The following TACR3 variants were observed in gnomAD, a reference collection of about 807,000 sequenced individuals.
The protein encoded by TACR3 is neuromedin-K receptor.
TACR3 carries 34 observed loss-of-function variants against 35.0 expected under a neutral mutation model. That is an observed-to-expected ratio of 0.97 (90% CI 0.74 to 1.30). TACR3 has a LOEUF of 1.30. Ranked by LOEUF, TACR3 falls within the 50% of genes most tolerant of loss-of-function variation. TACR3 has a pLI of 0.00. For synonymous variants in TACR3, 233 were observed against 221.1 expected (o/e 1.05, Z -0.48); for missense variants, 558 against 591.7 (o/e 0.94, Z 0.59).
chr4:103,694,386 T>C (rs1229261933), intron 1 of TACR3, among the ~76,000 whole-genome samples: 1 of 152,028 alleles, frequency 6.6e-6, no homozygotes, highest in Non-Finnish European at 1.5e-5. Context: ...CCAGCCATTG[T>C]TGAGACAATG....
intron 1 of TACR3, among the ~76,000 whole-genome samples, chr4:103,710,409 T>C (rs113590729): frequency 0.038 from 5,753 of 152,184 alleles, 127 homozygotes; most frequent in Non-Finnish European, 0.05. Context: ...GAATGACTAC[T>C]GGGTAAATAA....
At position 103,591,490 on chromosome 4, in the gene TACR3, T is replaced by C; in HGVS notation, c.1082A>G (p.Lys361Arg). The C allele has an allele frequency of 1.2e-6, 2 of 1,613,798 alleles. No homozygotes were observed. The highest frequency in any genetic ancestry group is 1.7e-6 in the Non-Finnish European group (2 of 1,179,768). ...YNPIIYCCLNKRFRAGFKRAF... is the reference protein window; with the variant it reads ...YNPIIYCCLNRRFRAGFKRAF... Reference sequence around the variant, plus strand: ...CATTTCGTAGTTTTGTTTTTACCTTTTATTCAGACAGCAGTAGATGATGGG... The same window carrying C: ...CATTTCGTAGTTTTGTTTTTACCTTCTATTCAGACAGCAGTAGATGATGGG... Residue 361 changes from lysine to arginine, a missense_variant, in exon 4 of 5, where the codon AAA becomes AGA. Coordinates refer to ENST00000304883, the MANE Select transcript of TACR3 (RefSeq NM_001059.3).
At chr4:103,687,055 A>G (rs1441791621) in intron 1 of TACR3, among the ~76,000 whole-genome samples, 3 of 152,120 alleles carry the variant, frequency 2.0e-5, no homozygotes, top group Non-Finnish European at 4.4e-5. Flanking sequence ...ACCATGATCA[A>G]GTGGGCTTCA....
intron 1 of TACR3, among the ~76,000 whole-genome samples, chr4:103,662,217 G>GGT (rs1553972885): frequency 0.042 from 3,596 of 86,200 alleles, 294 homozygotes; most frequent in African/African-American, 0.16. Flanking sequence ...TGTTGATGGT[G>GGT]TTTTTTTTTT....
chr4:103,678,420 A>T (rs1269040750), intron 1 of TACR3, among the ~76,000 whole-genome samples: 1 of 152,180 alleles, frequency 6.6e-6, no homozygotes, highest in African/African-American at 2.4e-5. Context: ...TAAAGCAAGT[A>T]TTAGATAACT....
In TACR3 at chr4:103,640,418, G is replaced by A. The variant is rs545186514; in HGVS notation, c.888+15776C>T. Among the ~76,000 whole-genome samples, 498 of 137,668 alleles carry A rather than the reference G, an allele frequency of 3.6e-3. 2 individuals are homozygous for A. The highest frequency in any genetic ancestry group is 5.6e-3 in the Non-Finnish European group (356 of 63,398). 90.3% of individuals were successfully genotyped at this position (137,668 alleles called of 152,430 possible). A position where few individuals can be genotyped will look rare whatever the true frequency, so the allele number is the denominator to read the frequency against. Reference sequence around the variant, plus strand: ...AAAATGCACTTCCCTAATGATTAGTGATGTAGAGAGTTTTTTTTCACATAT... The same window carrying A: ...AAAATGCACTTCCCTAATGATTAGTAATGTAGAGAGTTTTTTTTCACATAT... On this transcript the variant is annotated intron_variant, in intron 3 of 4. Transcript: ENST00000304883.
At chr4:103,645,942 G>A (rs1228560683) in intron 3 of TACR3, among the ~76,000 whole-genome samples, 1 of 151,974 alleles carries the variant, frequency 6.6e-6, no homozygotes, top group Non-Finnish European at 1.5e-5. Flanking sequence ...CCAAGACCCT[G>A]TTCTTTCTAG....
At chr4:103,675,110 C>T (rs1318024101) in intron 1 of TACR3, among the ~76,000 whole-genome samples, 1 of 152,052 alleles carries the variant, frequency 6.6e-6, no homozygotes, top group Non-Finnish European at 1.5e-5. Context: ...AAAATCCTCC[C>T]TTTTTCTCAC....
intron 3 of TACR3, among the ~76,000 whole-genome samples, chr4:103,609,591 C>T (rs1040726264): frequency 6.6e-6 from 1 of 151,998 alleles, no homozygotes; most frequent in Non-Finnish European, 1.5e-5. Flanking sequence ...AAACATTTGT[C>T]ATTTCTTTGT....
intron 1 of TACR3, among the ~76,000 whole-genome samples, chr4:103,659,195 T>C (rs986029653): frequency 2.6e-5 from 4 of 152,180 alleles, no homozygotes; most frequent in African/African-American, 7.2e-5. Context: ...AGCCTGGTTC[T>C]AACAGGCCAG....
At chr4:103,645,384 C>T (rs1725436058) in intron 3 of TACR3, among the ~76,000 whole-genome samples, 1 of 151,826 alleles carries the variant, frequency 6.6e-6, no homozygotes, top group South Asian at 2.1e-4. Context: ...AGTTTATAGG[C>T]TAAATCTAAG....
intron 3 of TACR3, among the ~76,000 whole-genome samples, chr4:103,636,027 G>T (rs1725180349): frequency 6.6e-6 from 1 of 151,616 alleles, no homozygotes; most frequent in Non-Finnish European, 1.5e-5. Context: ...GTGCTCATTT[G>T]GCTTAAGAAT....
chr4:103,634,211 G>A (rs1303752805), intron 3 of TACR3, among the ~76,000 whole-genome samples: 2 of 151,984 alleles, frequency 1.3e-5, no homozygotes, highest in Non-Finnish European at 2.9e-5. Context: ...CTAATGAAGA[G>A]GAACAATGAT....
chr4:103,696,301 T>G (rs1338357691), intron 1 of TACR3, among the ~76,000 whole-genome samples: 1 of 152,146 alleles, frequency 6.6e-6, no homozygotes, highest in Non-Finnish European at 1.5e-5. Flanking sequence ...TCTTTAACAT[T>G]TTTGATAAAA....
At chr4:103,640,828 G>A (rs1334961625) in intron 3 of TACR3, among the ~76,000 whole-genome samples, 1 of 151,764 alleles carries the variant, frequency 6.6e-6, no homozygotes, top group Admixed American at 6.6e-5. Context: ...TTTTCTTCCA[G>A]TGTGGCACAG....
intron 3 of TACR3, among the ~76,000 whole-genome samples, chr4:103,596,219 A>T (rs1238910160): frequency 6.6e-6 from 1 of 151,670 alleles, no homozygotes; most frequent in Non-Finnish European, 1.5e-5. Flanking sequence ...ATACGTGTGC[A>T]TGTGTCTTTA....
intron 1 of TACR3, among the ~76,000 whole-genome samples, chr4:103,700,324 A>C (rs1722621607): frequency 6.6e-6 from 1 of 152,204 alleles, no homozygotes; most frequent in African/African-American, 2.4e-5. Context: ...ACTGTTGATT[A>C]GTGATATAAT....
At chr4:103,696,870 C>T (rs1308132902) in intron 1 of TACR3, among the ~76,000 whole-genome samples, 2 of 152,144 alleles carry the variant, frequency 1.3e-5, no homozygotes, top group Non-Finnish European at 2.9e-5. Flanking sequence ...TTAATTTCTT[C>T]ACTCTACTTT....
At chr4:103,698,170 T>A (rs1236646072) in intron 1 of TACR3, among the ~76,000 whole-genome samples, 1 of 152,012 alleles carries the variant, frequency 6.6e-6, no homozygotes, top group Non-Finnish European at 1.5e-5. Flanking sequence ...TTAAAGAAAT[T>A]TGAATGTATT....
Sources: gnomAD v4.1 joint callset for allele counts (sites outside exome capture counted in the v4.1 genomes callset) on GRCh38, gnomAD v4.1.1 for gene constraint, MANE v1.5 for transcripts, NCBI Gene and HGNC (gene_info 2026-07-23, HGNC 2026-07-21) for gene names.